NOL4: variants seen among roughly 807,000 people sequenced by gnomAD.
NOL4 encodes nucleolar protein 4.
Under a neutral mutation model 75.9 loss-of-function variants are expected in NOL4, and 17 were observed. That is an observed-to-expected ratio of 0.22 (90% CI 0.15 to 0.34). The LOEUF is 0.34. Ranked by LOEUF, NOL4 falls within the 10% of genes least tolerant of loss-of-function variation. NOL4 has a pLI of 1.00. For missense variants in NOL4, 614 were observed against 793.5 expected (o/e 0.77, Z 2.72); for synonymous variants, 292 against 289.9 (o/e 1.01, Z -0.07).
At chr18:33,887,699 T>G (rs1288563511) in intron 9 of NOL4, among the ~76,000 whole-genome samples, 1 of 152,112 alleles carries the variant, frequency 6.6e-6, no homozygotes. Flanking sequence ...GATAGTTTGC[T>G]GAGAATGATG....
intron 9 of NOL4, among the ~76,000 whole-genome samples, chr18:33,910,313 T>TGC (rs2066320256): frequency 6.6e-6 from 1 of 152,132 alleles, no homozygotes; most frequent in Non-Finnish European, 1.5e-5. Flanking sequence ...CTCTCTGGAC[T>TGC]CTAGGGTTTC....
rs1223724330 is a variant in NOL4 at position 34,037,606 on chromosome 18, T to A, written c.773-18005A>T. 2.6e-5 allele frequency among the ~76,000 whole-genome samples: 4 copies of A among 152,030 alleles called. No homozygotes were observed. The East Asian group carries it at 7.7e-4, about 29-fold the overall frequency. On this transcript the variant is annotated intron_variant, in intron 5 of 10. Coordinates refer to ENST00000261592, the MANE Select transcript of NOL4 (RefSeq NM_003787.5). ...ACAGAATAGGGAACCCCAAAATAAATCTTTATATTTACACCCAGCTAATTT... is the reference window on the plus strand; with the variant it reads ...ACAGAATAGGGAACCCCAAAATAAAACTTTATATTTACACCCAGCTAATTT...
intron 5 of NOL4, among the ~76,000 whole-genome samples, chr18:34,082,488 C>T (rs2078056859): frequency 6.6e-6 from 1 of 152,126 alleles, no homozygotes; most frequent in Non-Finnish European, 1.5e-5. Flanking sequence ...CATCATCTGT[C>T]CTTTGAGTTA....
At chr18:33,915,286 G>A (rs779408977) in intron 9 of NOL4, among the ~76,000 whole-genome samples, 3 of 152,116 alleles carry the variant, frequency 2.0e-5, no homozygotes, top group Non-Finnish European at 4.4e-5. Context: ...GGTTCAGGAT[G>A]AAATCAAAGG....
intron 6 of NOL4, among the ~76,000 whole-genome samples, chr18:33,964,687 T>C (rs2070438259): frequency 1.3e-5 from 2 of 152,096 alleles, no homozygotes; most frequent in Admixed American, 1.3e-4. Context: ...CAACTTTGGA[T>C]GTAGGCCCAG....
At chr18:33,952,595 A>G (rs2069314461) in intron 8 of NOL4, among the ~76,000 whole-genome samples, 1 of 152,218 alleles carries the variant, frequency 6.6e-6, no homozygotes. Context: ...TCTCAGTTTC[A>G]AAAGGTCATA....
intron 6 of NOL4, among the ~76,000 whole-genome samples, chr18:33,986,692 C>A (rs1046872964): frequency 6.6e-6 from 1 of 152,172 alleles, no homozygotes; most frequent in East Asian, 1.9e-4. Flanking sequence ...AATGATATAG[C>A]CACTTTGACA....
chr18:34,054,912 C>A (rs1025848231), intron 5 of NOL4, among the ~76,000 whole-genome samples: 2 of 150,144 alleles, frequency 1.3e-5, no homozygotes, highest in South Asian at 2.1e-4. Flanking sequence ...AAAGTTGTAA[C>A]ATAACATTCT....
intron 6 of NOL4, among the ~76,000 whole-genome samples, chr18:34,016,994 G>A (rs2074735510): frequency 6.6e-6 from 1 of 152,026 alleles, no homozygotes; most frequent in South Asian, 2.1e-4. Context: ...GGTCAGAATG[G>A]ACAATGATTC....
intron 1 of NOL4, among the ~76,000 whole-genome samples, chr18:34,135,196 T>A (rs1031495225): frequency 6.6e-6 from 1 of 152,026 alleles, no homozygotes; most frequent in South Asian, 2.1e-4. Flanking sequence ...GAGGGAAGAC[T>A]CAAATTACTA....
At chr18:33,968,160 A>G (rs1157421120) in intron 6 of NOL4, among the ~76,000 whole-genome samples, 1 of 152,156 alleles carries the variant, frequency 6.6e-6, no homozygotes, top group Non-Finnish European at 1.5e-5. Context: ...TAGAGAAAAA[A>G]GAATGCTTAC....
At chr18:34,190,133 G>C (rs2034808407) in intron 1 of NOL4, among the ~76,000 whole-genome samples, 1 of 151,246 alleles carries the variant, frequency 6.6e-6, no homozygotes, top group Non-Finnish European at 1.5e-5. Context: ...GTATCCAAAC[G>C]AATTTCAACA....
intron 1 of NOL4, among the ~76,000 whole-genome samples, chr18:34,165,516 C>G (rs1225385592): frequency 6.6e-6 from 1 of 152,130 alleles, no homozygotes; most frequent in African/African-American, 2.4e-5. Flanking sequence ...AGCTGGGTCT[C>G]AATGTTTGCA....
chr18:34,110,938 A>G (rs575959485), intron 2 of NOL4, among the ~76,000 whole-genome samples: 1 of 152,248 alleles, frequency 6.6e-6, no homozygotes, highest in African/African-American at 2.4e-5. Flanking sequence ...AATAGCATCA[A>G]AAATAAAATA....
At chr18:33,990,187 A>T (rs943197475) in intron 6 of NOL4, among the ~76,000 whole-genome samples, 2 of 152,126 alleles carry the variant, frequency 1.3e-5, no homozygotes, top group Non-Finnish European at 2.9e-5. Context: ...TAGTGACAGC[A>T]AAACAACTTT....
At chr18:33,950,912 C>G (rs1488705043) in intron 8 of NOL4, among the ~76,000 whole-genome samples, 2 of 152,078 alleles carry the variant, frequency 1.3e-5, no homozygotes, top group African/African-American at 4.8e-5. Flanking sequence ...ACTAGGTGTA[C>G]CAGGTACTGT....
chr18:34,019,515 C>T lies in NOL4; in HGVS notation c.859G>A (p.Gly287Arg), dbSNP rs2074913742. 2.5e-6 allele frequency: 4 copies of T among 1,614,002 alleles called. No homozygotes were observed. Among genetic ancestry groups the T allele is most frequent in the East Asian group, 4.5e-5 (2 of 44,838 alleles). The part of the protein sequence containing the change: ...ASGGTHSREM[G>R]DSNSDGKTGL... ...GTTTTGCCATCACTGTTGGAGTCTC[C>T]CATCTCCCTGCTGTGTGTTCCCCCT... The change falls in exon 6 of 11, where the codon GGA becomes AGA. Residue 287 changes from glycine (G) to arginine (R), a missense_variant. Gly to Arg is a moderately radical substitution (Grantham distance 125). Transcript: ENST00000261592.
chr18:34,137,373 A>G (rs945611456), intron 1 of NOL4, among the ~76,000 whole-genome samples: 48 of 152,350 alleles, frequency 3.2e-4, no homozygotes, highest in African/African-American at 1.1e-3. Flanking sequence ...GGGAGAAAAT[A>G]TTTGGAAATC....
chr18:34,199,103 G>A (rs1257611469), intron 1 of NOL4, among the ~76,000 whole-genome samples: 3 of 151,130 alleles, frequency 2.0e-5, no homozygotes, highest in Non-Finnish European at 3.0e-5. Context: ...ATTCTCAGAG[G>A]AAATGTTCCT....
Sources: gnomAD v4.1 joint callset for allele counts (sites outside exome capture counted in the v4.1 genomes callset) on GRCh38, gnomAD v4.1.1 for gene constraint, MANE v1.5 for transcripts, NCBI Gene and HGNC (gene_info 2026-07-23, HGNC 2026-07-21) for gene names.